The following KATNIP variants were observed in gnomAD, a reference collection of about 807,000 sequenced individuals.
The protein encoded by KATNIP is katanin-interacting protein.
In KATNIP, 126 loss-of-function variants were observed where a neutral mutation model predicts 174.0. That is an observed-to-expected ratio of 0.72 (90% CI 0.63 to 0.84). The LOEUF (loss-of-function observed/expected upper bound fraction) is 0.84, where lower values mean the gene tolerates loss of function less well. Ranked by LOEUF, KATNIP falls within the 40% of genes least tolerant of loss-of-function variation. The pLI, the probability that KATNIP is intolerant of heterozygous loss-of-function variation, is 0.00. For missense variants in KATNIP, 1,958 were observed against 2,109.7 expected, an observed-to-expected ratio of 0.93 and a Z score of 1.41; for synonymous variants, 810 against 835.7, an observed-to-expected ratio of 0.97 and a Z score of 0.53.
intron 2 of KATNIP, among the ~76,000 whole-genome samples, chr16:27,586,905 C>T (rs1596812635): frequency 6.7e-6 from 1 of 148,826 alleles, no homozygotes; most frequent in African/African-American, 2.5e-5. Context: ...CTGGACTTTT[C>T]CAACTTCTTC....
intron 8 of KATNIP, among the ~76,000 whole-genome samples, chr16:27,682,757 C>T (rs553034107): frequency 9.1e-4 from 138 of 152,210 alleles, no homozygotes; most frequent in African/African-American, 3.2e-3. Flanking sequence ...GAAATTTAAT[C>T]CCCAATGTGG....
intron 19 of KATNIP, among the ~76,000 whole-genome samples, chr16:27,761,889 G>A (rs535271468): frequency 6.6e-5 from 10 of 152,258 alleles, no homozygotes; most frequent in African/African-American, 1.7e-4. Context: ...TTAGCAGAGC[G>A]TCTCGCACAC....
Position 27,740,407 on chromosome 16 carries a change from G to T in KATNIP, c.2110G>T (p.Val704Phe). Residue 704 changes from valine (V) to phenylalanine (F), a missense_variant, in exon 15 of 28, where the codon GTC (valine) becomes TTC (phenylalanine). Val to Phe is a conservative substitution (Grantham distance 50). This residue lies in a region of KATNIP where 1,557 missense variants were observed against 1,617.8 expected (regional missense o/e 0.96). Transcript: ENST00000261588. The stretch of plus-strand genomic sequence containing the variant: ...AGAGGAATATTTGAGACTGTCGGCA[G>T]TCCCCACTTCGATGGGTGACATGCC... ...QLEEYLRLSA[V>F]PTSMGDMPSA... 6.2e-7 allele frequency: 1 copy of T among 1,614,108 alleles called. No homozygotes were observed. The highest frequency in any genetic ancestry group is 8.5e-7 in the Non-Finnish European group (1 of 1,180,056).
chr16:27,755,438 G>C (rs563956311), intron 18 of KATNIP: 1 of 152,420 alleles, frequency 6.6e-6, no homozygotes, highest in African/African-American at 2.4e-5. Flanking sequence ...TAGGAGGCAG[G>C]ATTGGGCAGA....
rs1275987042 is a variant in KATNIP, at chr16:27,749,981, G to A, written c.3021G>A (p.Gln1007=). The A allele has an allele frequency of 6.2e-7, 1 of 1,614,228 alleles. No homozygotes were observed. Among genetic ancestry groups the A allele is most frequent in the South Asian group, 1.1e-5 (1 of 91,078 alleles). The change falls in exon 16 of 28, where the codon CAG becomes CAA. Residue 1007 remains glutamine, a synonymous_variant. Coordinates refer to ENST00000261588, the MANE Select transcript of KATNIP (RefSeq NM_015202.5). ...EIFSSKGEPV[Q]ISNIKADPPD... ...TCAGTTCCAAGGGTGAACCGGTGCAGATTTCAAACATAAAAGCAGACCCTC... is the reference window on the plus strand; with the variant it reads ...TCAGTTCCAAGGGTGAACCGGTGCAAATTTCAAACATAAAAGCAGACCCTC...
At position 27,698,340 on chromosome 16, in the gene KATNIP, G is replaced by A. The variant is rs373561292; in HGVS notation, c.953G>A (p.Arg318Gln). 1.3e-4 allele frequency: 211 copies of A among 1,609,214 alleles called. No homozygotes were observed. Among genetic ancestry groups the A allele is most frequent in the Non-Finnish European group, 1.6e-4 (191 of 1,177,152 alleles). The change falls in exon 9 of 28, where the codon CGG becomes CAG. Residue 318 changes from arginine (R) to glutamine (Q), a missense_variant. By Grantham distance (43) the Arg-to-Gln change is conservative (BLOSUM62 1). This residue lies in a region of KATNIP where 1,557 missense variants were observed against 1,617.8 expected (regional missense o/e 0.96). Coordinates refer to ENST00000261588, the MANE Select transcript of KATNIP (RefSeq NM_015202.5). ...QERMCSRPGSRRERPLSATRK... is the reference protein window; with the variant it reads ...QERMCSRPGSQRERPLSATRK... ...CTTCTGCCCTCAGGACCTGGAAGCC[G>A]GCGAGAGAGACCCCTGTCTGCAACC...
intron 1 of KATNIP, among the ~76,000 whole-genome samples, chr16:27,570,440 A>G (rs1596748755): frequency 6.6e-6 from 1 of 152,050 alleles, no homozygotes; most frequent in Non-Finnish European, 1.5e-5. Flanking sequence ...GGTGGTGGGC[A>G]TCTGTAATCC....
Position 27,613,740 on chromosome 16 carries a change from A to G in KATNIP, c.64-4685A>G, listed in dbSNP as rs140174695. Among the ~76,000 whole-genome samples, 116 of 152,250 alleles carry G rather than the reference A, an allele frequency of 7.6e-4. 1 individual carries two copies. In the East Asian group the frequency reaches 0.02, roughly 27 times the overall value. On this transcript the variant is annotated intron_variant, in intron 2 of 27. Coordinates refer to ENST00000261588, the MANE Select transcript of KATNIP (RefSeq NM_015202.5). ...CACGATTTATGTGTTATTATTCTGGAAGAAGGCGAGAATCCTCCCCAGACC... is the reference window on the plus strand; with the variant it reads ...CACGATTTATGTGTTATTATTCTGGGAGAAGGCGAGAATCCTCCCCAGACC...
chr16:27,697,837 G>T (rs1188485465), intron 8 of KATNIP, among the ~76,000 whole-genome samples: 2 of 152,006 alleles, frequency 1.3e-5, no homozygotes, highest in African/African-American at 4.8e-5. Context: ...TAAACTATTT[G>T]AGATGAAGTT....
At chr16:27,705,325 C>T (rs537053397) in intron 12 of KATNIP, among the ~76,000 whole-genome samples, 161 of 152,204 alleles carry the variant, frequency 1.1e-3, no homozygotes, top group African/African-American at 3.6e-3. Context: ...TACTACTGGC[C>T]GGTGAGGACT....
intron 5 of KATNIP, among the ~76,000 whole-genome samples, chr16:27,643,806 A>C (rs2076875916): frequency 6.6e-6 from 1 of 151,766 alleles, no homozygotes; most frequent in Non-Finnish European, 1.5e-5. Flanking sequence ...GATAATCCTT[A>C]TGTTTACTAA....
intron 2 of KATNIP, among the ~76,000 whole-genome samples, chr16:27,588,044 G>A (rs1200297272): frequency 6.6e-6 from 1 of 151,244 alleles, no homozygotes; most frequent in Non-Finnish European, 1.5e-5. Context: ...GGCATATGCC[G>A]CCATCTCCAG....
intron 8 of KATNIP, among the ~76,000 whole-genome samples, chr16:27,688,585 C>T (rs527542982): frequency 4.5e-4 from 69 of 152,258 alleles, no homozygotes; most frequent in African/African-American, 1.4e-3. Context: ...AGTGAGACTC[C>T]GTCTCAATAA....
At chr16:27,570,049 A>G (rs958514018) in intron 1 of KATNIP, among the ~76,000 whole-genome samples, 4 of 152,062 alleles carry the variant, frequency 2.6e-5, no homozygotes, top group Non-Finnish European at 5.9e-5. Flanking sequence ...CATCTGTCCT[A>G]CTTTCACATT....
intron 14 of KATNIP, among the ~76,000 whole-genome samples, chr16:27,725,451 G>A (rs2143075928): frequency 6.6e-6 from 1 of 152,314 alleles, no homozygotes; most frequent in African/African-American, 2.4e-5. Context: ...GATCAGCCAC[G>A]TCTGCCGTGG....
rs1056194560 is a variant in KATNIP at position 27,777,509 on chromosome 16, C to T, written c.4552-101C>T. The T allele has an allele frequency of 8.6e-7, 1 of 1,165,054 alleles. No individual in the cohort carries two copies. 72.2% of individuals were successfully genotyped at this position (1,165,054 alleles called of 1,614,324 possible). A position where few individuals can be genotyped will look rare whatever the true frequency, so the allele number is the denominator to read the frequency against. ...CGCTTGTTCCTGACAGCCCCGTCTT[C>T]CCGAGGAGAAAGCCTTGGCTCAGAG... On this transcript the variant is annotated intron_variant, in intron 25 of 27. Transcript: ENST00000261588. The surrounding 1 kb of genome is among the most constrained non-coding windows in gnomAD (Gnocchi z 4.4).
intron 2 of KATNIP, among the ~76,000 whole-genome samples, chr16:27,613,399 TG>T (rs907032782): frequency 1.3e-5 from 2 of 152,224 alleles, no homozygotes; most frequent in African/African-American, 2.4e-5. Flanking sequence ...ATCTCCCTCC[TG>T]GCAAAGGAGG....
chr16:27,645,978 G>T (rs2076945850), intron 5 of KATNIP, among the ~76,000 whole-genome samples: 1 of 152,188 alleles, frequency 6.6e-6, no homozygotes. Flanking sequence ...TACCAGGTAG[G>T]CAGAGAGCAT....
rs1234073981 is a variant in KATNIP at position 27,628,697 on chromosome 16, A to G, written c.177A>G (p.Gln59=). The part of the protein sequence containing the change: ...LKHLKSKDPV[Q]LRLEHLEQGF... ...ATTTGAAAAGCAAGGACCCCGTGCAATTGAGGCTGGAGCACTTGGAGCAAG... is the reference window on the plus strand; with the variant it reads ...ATTTGAAAAGCAAGGACCCCGTGCAGTTGAGGCTGGAGCACTTGGAGCAAG... The change falls in exon 4 of 28, where the codon CAA becomes CAG. Residue 59 remains glutamine (Q), a synonymous_variant. Coordinates refer to ENST00000261588, the MANE Select transcript of KATNIP (RefSeq NM_015202.5). The G allele has an allele frequency of 1.9e-6, 3 of 1,614,204 alleles. No individual in the cohort carries two copies. Among genetic ancestry groups the G allele is most frequent in the Non-Finnish European group, 1.7e-6 (2 of 1,180,024 alleles).
Sources: gnomAD v4.1 joint callset for allele counts (sites outside exome capture counted in the v4.1 genomes callset) on GRCh38, gnomAD v4.1.1 for gene constraint, gnomAD v4.1.1 regional missense constraint, Gnocchi (gnomAD v3.1) non-coding constraint, MANE v1.5 for transcripts, NCBI Gene and HGNC (gene_info 2026-07-23, HGNC 2026-07-21) for gene names.